SLC22A23: variants seen among roughly 807,000 people sequenced by gnomAD.
SLC22A23 encodes solute carrier family 22 member 23.
SLC22A23 carries 26 observed loss-of-function variants against 61.0 expected under a neutral mutation model. The ratio of observed to expected loss-of-function variants is 0.43; its 90% CI spans 0.31 to 0.59. The LOEUF is 0.59. Ranked by LOEUF, SLC22A23 falls within the 20% of genes least tolerant of loss-of-function variation. The pLI, the probability that SLC22A23 is intolerant of heterozygous loss-of-function variation, is 0.11. For synonymous variants in SLC22A23, 430 were observed against 413.9 expected, an observed-to-expected ratio of 1.04 and a Z score of -0.47; for missense variants, 796 against 934.7, an observed-to-expected ratio of 0.85 and a Z score of 1.94.
At chr6:3,348,570 C>T (rs1414322712) in intron 3 of SLC22A23, among the ~76,000 whole-genome samples, 1 of 152,182 alleles carries the variant, frequency 6.6e-6, no homozygotes, top group Non-Finnish European at 1.5e-5. Context: ...GCCCACCATT[C>T]GGCACTTACT....
intron 3 of SLC22A23, among the ~76,000 whole-genome samples, chr6:3,403,655 G>C (rs1419827706): frequency 3.3e-5 from 5 of 152,144 alleles, no homozygotes; most frequent in Admixed American, 2.6e-4. Flanking sequence ...GCACATCTAG[G>C]GGGGTAAGAG....
At chr6:3,446,420 G>T (rs1416344019) in intron 1 of SLC22A23, among the ~76,000 whole-genome samples, 2 of 152,230 alleles carry the variant, frequency 1.3e-5, no homozygotes, top group Non-Finnish European at 2.9e-5. Flanking sequence ...CAAAGGCAAA[G>T]CCAGCTGAAT....
Position 3,432,208 on chromosome 6 carries a change from C to G in SLC22A23, c.655-16353G>C, listed in dbSNP as rs73720897. 1,243 of 985,424 alleles carry G rather than the reference C, an allele frequency of 1.3e-3. 13 individuals are homozygous for G. In the African/African-American group the frequency reaches 0.02, roughly 16 times the overall value. The allele number at this position is 985,424 out of a possible 1,614,324, so 61.0% of individuals were successfully genotyped here. ...ATCTGAGCCCAGTGCTCCTTGCCCA[C>G]GCCTCTGCTCCCTGGATCTTCACTG... On this transcript the variant is annotated intron_variant, in intron 1 of 9. Transcript: ENST00000406686.
rs1028054951 is a variant in SLC22A23, at chr6:3,344,462, C to G, written c.914-20460G>C. Among the ~76,000 whole-genome samples, 22 of 152,272 alleles carry G rather than the reference C, an allele frequency of 1.4e-4. 1 individual carries two copies. The highest frequency in any genetic ancestry group is 4.6e-4 in the African/African-American group (19 of 41,558). On this transcript the variant is annotated intron_variant, in intron 3 of 9. Transcript: ENST00000406686. ...GGATCCCTTTGATGAGTCTAAAGGG[C>G]TGTATTGAAAAGTTCAAAGGACACA...
chr6:3,408,733 G>T (rs963783490), intron 3 of SLC22A23, among the ~76,000 whole-genome samples: 21 of 152,190 alleles, frequency 1.4e-4, no homozygotes, highest in African/African-American at 5.1e-4. Flanking sequence ...TGAGGCTGAG[G>T]TTATATTCTC....
At chr6:3,338,533 C>T (rs961144888) in intron 3 of SLC22A23, among the ~76,000 whole-genome samples, 5 of 152,226 alleles carry the variant, frequency 3.3e-5, no homozygotes, top group Non-Finnish European at 7.3e-5. Flanking sequence ...CCATGTTGGC[C>T]GGGCTGGTCT....
At position 3,308,124 on chromosome 6, in the gene SLC22A23, G is replaced by A. The variant is rs962163783; in HGVS notation, c.1083-9906C>T. Among the ~76,000 whole-genome samples the A allele has an allele frequency of 2.6e-5, 4 of 152,178 alleles. No homozygotes were observed. Among genetic ancestry groups the A allele is most frequent in the African/African-American group, 9.7e-5 (4 of 41,420 alleles). On this transcript the variant is annotated intron_variant, in intron 4 of 9. Coordinates refer to ENST00000406686, the MANE Select transcript of SLC22A23 (RefSeq NM_015482.2). The surrounding 1 kb of genome is among the most constrained non-coding windows in gnomAD (Gnocchi z 5.1). ...ATGGTGGAGATGGCTGCACAACATCGCGTTGTGGATGTGGTCACTGAGTTG... is the reference window on the plus strand; with the variant it reads ...ATGGTGGAGATGGCTGCACAACATCACGTTGTGGATGTGGTCACTGAGTTG...
intron 2 of SLC22A23, among the ~76,000 whole-genome samples, chr6:3,411,644 T>C (rs918564813): frequency 6.6e-6 from 1 of 151,850 alleles, no homozygotes; most frequent in Non-Finnish European, 1.5e-5. Flanking sequence ...AAAAAAAAAT[T>C]AAGGCATGGC....
At position 3,410,383 on chromosome 6, in the gene SLC22A23, C is replaced by T; in HGVS notation, c.759-41G>A. On this transcript the variant is annotated intron_variant, in intron 2 of 9. Coordinates refer to ENST00000406686, the MANE Select transcript of SLC22A23 (RefSeq NM_015482.2). This position sits in a 1 kb window ranked among gnomAD's most constrained non-coding sequence, Gnocchi z 5.0. The stretch of plus-strand genomic sequence containing the variant: ...GAAAAAGTTAGGAATCATTGTGAAA[C>T]AAGACAATGACGCTAGATGCTGAAA... 1.3e-6 allele frequency: 2 copies of T among 1,536,724 alleles called. No homozygotes were observed. Among genetic ancestry groups the T allele is most frequent in the Non-Finnish European group, 1.8e-6 (2 of 1,140,070 alleles).
At chr6:3,364,882 T>C (rs1765702935) in intron 3 of SLC22A23, among the ~76,000 whole-genome samples, 1 of 152,126 alleles carries the variant, frequency 6.6e-6, no homozygotes, top group Non-Finnish European at 1.5e-5. Context: ...AAGCTCACTC[T>C]GGCGGTGTGG....
chr6:3,280,490 C>CTTTTTTTTTTTTTTTTTT (rs1163139930), intron 9 of SLC22A23, among the ~76,000 whole-genome samples: 3 of 57,288 alleles, frequency 5.2e-5, no homozygotes, highest in African/African-American at 1.7e-4. Context: ...TAAGACACAA[C>CTTTTTTTTTTTTTTTTTT]TTTTTTTTTT....
Position 3,286,436 on chromosome 6 carries a change from C to G in SLC22A23, c.1546+423G>C, listed in dbSNP as rs192634739. ...AACCTTTACTGAGAAATTCTTTGGT[C>G]CAAAGAGAAGCTGATGAACTCGGGA... On this transcript the variant is annotated intron_variant, in intron 7 of 9. Coordinates refer to ENST00000406686, the MANE Select transcript of SLC22A23 (RefSeq NM_015482.2). This position sits in a 1 kb window ranked among gnomAD's most constrained non-coding sequence, Gnocchi z 4.2. Among the ~76,000 whole-genome samples the G allele has an allele frequency of 2.1e-3, 316 of 152,310 alleles. No homozygotes were observed. The highest frequency in any genetic ancestry group is 3.4e-3 in the Non-Finnish European group (233 of 68,026).
At chr6:3,393,563 CTG>C (rs1400697779) in intron 3 of SLC22A23, among the ~76,000 whole-genome samples, 1 of 152,158 alleles carries the variant, frequency 6.6e-6, no homozygotes, top group East Asian at 1.9e-4. Context: ...CTCTTTGAAA[CTG>C]TTGATTATGC....
rs1330178239 is a variant in SLC22A23, at chr6:3,269,400, G to A, written c.*3655C>T. ...ATTTTATTACTCACCATTAATGGTA[G>A]TGAAATGCCCTTCGGTGGATACCAT... is the stretch of plus-strand genomic sequence containing the variant. On this transcript the variant is annotated 3_prime_UTR_variant, in exon 10 of 10. Coordinates refer to ENST00000406686, the MANE Select transcript of SLC22A23 (RefSeq NM_015482.2). 2 of 152,536 alleles carry A rather than the reference G, an allele frequency of 1.3e-5. No homozygotes were observed. Among genetic ancestry groups the A allele is most frequent in the African/African-American group, 4.8e-5 (2 of 41,472 alleles). The allele number at this position is 152,536 out of a possible 1,614,324, so 9.4% of individuals were successfully genotyped here.
chr6:3,392,896 C>T (rs1364581197), intron 3 of SLC22A23, among the ~76,000 whole-genome samples: 2 of 152,114 alleles, frequency 1.3e-5, no homozygotes, highest in African/African-American at 4.8e-5. Context: ...GTGATATACA[C>T]CTGGGAGTCT....
At position 3,272,783 on chromosome 6, in the gene SLC22A23, A is replaced by G. The variant is rs1291357455; in HGVS notation, c.*272T>C. 1.6e-5 allele frequency: 5 copies of G among 316,334 alleles called. No individual in the cohort carries two copies. The highest frequency in any genetic ancestry group is 6.2e-5 in the South Asian group (1 of 16,098). The allele number at this position is 316,334 out of a possible 1,614,324, so 19.6% of individuals were successfully genotyped here. A position where few individuals can be genotyped will look rare whatever the true frequency, so the allele number is the denominator to read the frequency against. The stretch of plus-strand genomic sequence containing the variant: ...TCCATTTGTGATCAGTGAGAGGGAG[A>G]GGGAATAAAGTGCTTCTCGTAAAAA... On this transcript the variant is annotated 3_prime_UTR_variant, in exon 10 of 10. Transcript: ENST00000406686.
chr6:3,289,789 T>C lies in SLC22A23; in HGVS notation c.1288A>G (p.Asn430Asp), dbSNP rs980579004. The C allele has an allele frequency of 7.4e-6, 12 of 1,613,874 alleles. No homozygotes were observed. The highest frequency in any genetic ancestry group is 9.3e-6 in the Non-Finnish European group (11 of 1,180,020). ...GAGTTCACACACAGGACCACAATGT[T>C]CTTCCACAGGTTCCGTGTCCCCACC... is the stretch of plus-strand genomic sequence containing the variant. ...KVVGTRNLWK[N>D]IVVLCVNSLT... The change falls in exon 6 of 10, where the codon AAC becomes GAC. Residue 430 changes from asparagine to aspartate, a missense_variant. Asn to Asp is a conservative substitution (Grantham distance 23). Coordinates refer to ENST00000406686, the MANE Select transcript of SLC22A23 (RefSeq NM_015482.2).
At chr6:3,388,413 G>T (rs1767445079) in intron 3 of SLC22A23, among the ~76,000 whole-genome samples, 1 of 152,200 alleles carries the variant, frequency 6.6e-6, no homozygotes, top group Non-Finnish European at 1.5e-5. Flanking sequence ...ACAAGTTTTG[G>T]GCGAGGATGT....
At chr6:3,384,116 G>A (rs936236867) in intron 3 of SLC22A23, among the ~76,000 whole-genome samples, 1 of 152,208 alleles carries the variant, frequency 6.6e-6, no homozygotes, top group Non-Finnish European at 1.5e-5. Context: ...CATAGCAGAT[G>A]CTTATAGACT....
Sources: allele counts gnomAD v4.1 joint callset (sites outside exome capture counted in the v4.1 genomes callset), GRCh38; gene constraint gnomAD v4.1.1; non-coding constraint Gnocchi (gnomAD v3.1); transcripts MANE v1.5; gene names NCBI Gene and HGNC (gene_info 2026-07-23, HGNC 2026-07-21).